Variants in SDK1 observed in about 807,000 individuals in gnomAD.
The protein encoded by SDK1 is protein sidekick-1.
SDK1 carries 157 observed loss-of-function variants against 245.5 expected under a neutral mutation model. The ratio of observed to expected loss-of-function variants is 0.64; its 90% CI spans 0.56 to 0.73. The LOEUF (loss-of-function observed/expected upper bound fraction) is 0.73. Among genes scored for constraint, SDK1 ranks in the 30% least tolerant of loss-of-function variants. The pLI is 0.00. For missense variants in SDK1, 3,583 were observed against 3,002.3 expected (o/e 1.19, Z -4.52); for synonymous variants, 1,647 against 1,278.5 (o/e 1.29, Z -6.15).
chr7:4,160,929 T>C (rs1356534636), intron 31 of SDK1, among the ~76,000 whole-genome samples: 1 of 152,124 alleles, frequency 6.6e-6, no homozygotes, highest in Non-Finnish European at 1.5e-5. Context: ...AATCTTGGGT[T>C]CTAAGTGGAG....
Position 4,026,792 on chromosome 7 carries a change from A to AG in SDK1, c.2602+9440_2602+9441insG, listed in dbSNP as rs577801425. The stretch of plus-strand genomic sequence containing the variant: ...CGCGAGAACTCAGCCGTGGCCCATA[A>AG]CAATCTGGAATTAACGATAACACCC... On this transcript the variant is annotated intron_variant, in intron 17 of 44. Coordinates refer to ENST00000404826, the MANE Select transcript of SDK1 (RefSeq NM_152744.4). The surrounding 1 kb of genome is among the most constrained non-coding windows in gnomAD (Gnocchi z 4.1). Among the ~76,000 whole-genome samples the AG allele has an allele frequency of 3.6e-3, 554 of 152,324 alleles. 8 individuals are homozygous for AG. Among genetic ancestry groups the AG allele is most frequent in the African/African-American group, 0.013 (533 of 41,584 alleles).
At chr7:4,206,016 G>T in intron 36 of SDK1, 22 bp downstream of exon 36, 2 of 1,468,436 alleles carry the variant, frequency 1.4e-6, no homozygotes, top group East Asian at 5.0e-5. Context: ...CCGTGCGGTT[G>T]CCTCCCCTGG....
intron 5 of SDK1, among the ~76,000 whole-genome samples, chr7:3,825,184 A>G (rs1779739825): frequency 6.6e-6 from 1 of 152,160 alleles, no homozygotes; most frequent in African/African-American, 2.4e-5. Context: ...GTGTCTTCCG[A>G]GGTCAGACCC....
At chr7:4,193,348 ATATATT>A (rs1312372765) in intron 35 of SDK1, among the ~76,000 whole-genome samples, 1 of 111,012 alleles carries the variant, frequency 9.0e-6, no homozygotes, top group Non-Finnish European at 1.7e-5. Context: ...AATTTATATA[ATATATT>A]TATATATATT....
chr7:3,844,443 C>T (rs1435117947), intron 5 of SDK1, among the ~76,000 whole-genome samples: 1 of 152,128 alleles, frequency 6.6e-6, no homozygotes, highest in Non-Finnish European at 1.5e-5. Context: ...AGACTCAGGA[C>T]CCTTGATGTG....
chr7:3,637,026 GT>G (rs973445888), intron 2 of SDK1, among the ~76,000 whole-genome samples: 1 of 150,084 alleles, frequency 6.7e-6, no homozygotes, highest in African/African-American at 2.5e-5. Context: ...AAATTAAGTT[GT>G]TTTTTTAAGC....
intron 1 of SDK1, among the ~76,000 whole-genome samples, chr7:3,608,502 A>T (rs1359202896): frequency 6.6e-6 from 1 of 152,218 alleles, no homozygotes; most frequent in Non-Finnish European, 1.5e-5. Flanking sequence ...CTAAAGATAA[A>T]AATTGAGCTC....
At chr7:3,593,663 T>C (rs1780960868) in intron 1 of SDK1, among the ~76,000 whole-genome samples, 1 of 152,170 alleles carries the variant, frequency 6.6e-6, no homozygotes, top group African/African-American at 2.4e-5. Flanking sequence ...TTCAATCAAC[T>C]GATGGATGAT....
intron 19 of SDK1, among the ~76,000 whole-genome samples, chr7:4,062,040 A>C (rs1018000062): frequency 4.6e-5 from 7 of 150,668 alleles, no homozygotes; most frequent in Non-Finnish European, 1.5e-5. Context: ...CTAAATGACG[A>C]GTTAATGGGT....
chr7:3,605,167 A>G (rs964902462), intron 1 of SDK1, among the ~76,000 whole-genome samples: 6 of 73,860 alleles, frequency 8.1e-5, no homozygotes, highest in African/African-American at 4.3e-4. Flanking sequence ...CACACACACT[A>G]GGTGTGATGT....
chr7:3,625,942 C>CTTTTTTTTTT lies in SDK1; in HGVS notation c.458+6711_458+6720dup, dbSNP rs3086084. ...GGATTTTTCTTTCTTTCTTTTCTTT[C>CTTTTTTTTTT]TTTTTTTTTTTTTTTTTGAGGGAGA... On this transcript the variant is annotated intron_variant, in intron 2 of 44. Coordinates refer to ENST00000404826, the MANE Select transcript of SDK1 (RefSeq NM_152744.4). Among the ~76,000 whole-genome samples the CTTTTTTTTTT allele has an allele frequency of 3.1e-5, 4 of 129,798 alleles. 1 individual carries two copies. The highest frequency in any genetic ancestry group is 8.2e-5 in the Admixed American group (1 of 12,242). 85.2% of individuals were successfully genotyped at this position (129,798 alleles called of 152,430 possible). A position where few individuals can be genotyped will look rare whatever the true frequency, so the allele number is the denominator to read the frequency against.
chr7:3,776,790 A>T (rs1159301949), intron 4 of SDK1, among the ~76,000 whole-genome samples: 1 of 152,180 alleles, frequency 6.6e-6, no homozygotes, highest in East Asian at 1.9e-4. Context: ...TGAATCTAGA[A>T]AGGACATTTA....
intron 1 of SDK1, among the ~76,000 whole-genome samples, chr7:3,442,575 C>G (rs948533947): frequency 6.6e-6 from 1 of 152,156 alleles, no homozygotes; most frequent in Non-Finnish European, 1.5e-5. Context: ...TGCCTGAGTT[C>G]AAATCACCAC....
chr7:3,887,160 G>T (rs1044454465), intron 5 of SDK1, among the ~76,000 whole-genome samples: 7 of 152,238 alleles, frequency 4.6e-5, no homozygotes, highest in African/African-American at 1.4e-4. Flanking sequence ...AGGTCCATGT[G>T]GGTACTCAGG....
rs1338620793 is a variant in SDK1, at chr7:4,265,996, G to A, written c.*612G>A. 1.0e-6 allele frequency: 1 copy of A among 985,482 alleles called. No homozygotes were observed. Among genetic ancestry groups the A allele is most frequent in the Non-Finnish European group, 1.2e-6 (1 of 830,032 alleles). 61.0% of individuals were successfully genotyped at this position (985,482 alleles called of 1,614,324 possible). On this transcript the variant is annotated 3_prime_UTR_variant, in exon 45 of 45. Transcript: ENST00000404826. The stretch of plus-strand genomic sequence containing the variant: ...TTCAGGTTCCTGACGGCCAGGCAGG[G>A]ATGCTAAGGTGTGGCTCAGCCGTCA...
At position 3,572,383 on chromosome 7, in the gene SDK1, A is replaced by C. The variant is rs1780143882; in HGVS notation, c.299-46697A>C. On this transcript the variant is annotated intron_variant, in intron 1 of 44. Transcript: ENST00000404826. ...GGATCAGGATCATCCAGCCCCTCAGAGCAAGAGTATGGAGATCATATTCAC... is the reference window on the plus strand; with the variant it reads ...GGATCAGGATCATCCAGCCCCTCAGCGCAAGAGTATGGAGATCATATTCAC... 2.6e-5 allele frequency among the ~76,000 whole-genome samples: 4 copies of C among 152,130 alleles called. 1 individual carries two copies. The South Asian group carries it at 8.3e-4, about 32-fold the overall frequency.
chr7:3,641,778 G>T (rs917198831), intron 3 of SDK1, among the ~76,000 whole-genome samples, 180 bp from the exon 4 acceptor site: 2 of 152,214 alleles, frequency 1.3e-5, no homozygotes, highest in Non-Finnish European at 2.9e-5. Flanking sequence ...TGGCTTGCCC[G>T]GTGCTTCACT....
intron 1 of SDK1, among the ~76,000 whole-genome samples, chr7:3,516,753 G>C (rs1583985465): frequency 6.6e-6 from 1 of 152,294 alleles, no homozygotes; most frequent in East Asian, 1.9e-4. Context: ...TTTGACAACA[G>C]TTTGAAAGAT....
chr7:3,401,794 T>G (rs1264311943), intron 1 of SDK1, among the ~76,000 whole-genome samples: 1 of 152,174 alleles, frequency 6.6e-6, no homozygotes, highest in Non-Finnish European at 1.5e-5. Flanking sequence ...ATACTTAAAC[T>G]GTTAACATCT....
Sources: gnomAD v4.1 joint callset for allele counts (sites outside exome capture counted in the v4.1 genomes callset) on GRCh38, gnomAD v4.1.1 for gene constraint, Gnocchi (gnomAD v3.1) non-coding constraint, MANE v1.5 for transcripts, NCBI Gene and HGNC (gene_info 2026-07-23, HGNC 2026-07-21) for gene names.